PIEZO1: variants seen among roughly 807,000 people sequenced by gnomAD.
PIEZO1 encodes the protein piezo-type mechanosensitive ion channel component 1.
A neutral mutation model predicts 297.2 loss-of-function variants in PIEZO1; 296 were observed. The ratio of observed to expected loss-of-function variants is 1.00; its 90% CI spans 0.91 to 1.10. The LOEUF is 1.10. PIEZO1 is among the 50% of genes least tolerant of loss of function. The probability of loss-of-function intolerance (pLI) is 0.00; values close to 1 mark genes in which losing one functional copy is unlikely to be tolerated. For missense variants in PIEZO1, 5,018 were observed against 3,455.5 expected, an observed-to-expected ratio of 1.45 and a Z score of -11.34; for synonymous variants, 2,427 against 1,507.5, an observed-to-expected ratio of 1.61 and a Z score of -14.13.
intron 1 of PIEZO1, among the ~76,000 whole-genome samples, chr16:88,766,146 G>C (rs891985294): frequency 2.0e-5 from 3 of 152,216 alleles, no homozygotes; most frequent in African/African-American, 7.2e-5. Context: ...ACGCTGCCCA[G>C]TTTAGTCAAA....
intron 1 of PIEZO1, among the ~76,000 whole-genome samples, chr16:88,782,807 C>A (rs1284864492): frequency 1.3e-5 from 2 of 151,912 alleles, no homozygotes; most frequent in Admixed American, 1.3e-4. Context: ...GCTGCCCACA[C>A]CCCAGGGCCA....
rs1389948999 is a variant in PIEZO1, at chr16:88,715,917, C to T, written c.7316+16G>A. The T allele has an allele frequency of 1.1e-5, 17 of 1,546,950 alleles. No individual in the cohort carries two copies. Among genetic ancestry groups the T allele is most frequent in the Non-Finnish European group, 1.4e-5 (16 of 1,144,462 alleles). On this transcript the variant is annotated intron_variant, in intron 50 of 50. Transcript: ENST00000301015. ...GCCCCCCGAGCTGCGGGGTGCCCCC[C>T]CAGCCACTCACTCACCCGTAGCCAG...
At chr16:88,719,228 G>A (rs75516956) in intron 44 of PIEZO1, 25 of 275,604 alleles carry the variant, frequency 9.1e-5, no homozygotes, top group East Asian at 9.0e-4. Context: ...TACTTTTTAC[G>A]TGGGGGAGTG....
Position 88,737,711 on chromosome 16 carries a change from C to A in PIEZO1, c.1107+17G>T. 1 of 1,535,172 alleles carries A rather than the reference C, an allele frequency of 6.5e-7. No homozygotes were observed. Among genetic ancestry groups the A allele is most frequent in the South Asian group, 1.2e-5 (1 of 84,052 alleles). Reference sequence around the variant, plus strand: ...GGCGCCCCCCACGCTGGCGTCTCCACCTGCCTGGCTGCTCACCTGGTCAGA... The same window carrying A: ...GGCGCCCCCCACGCTGGCGTCTCCAACTGCCTGGCTGCTCACCTGGTCAGA... On this transcript the variant is annotated intron_variant, in intron 9 of 50. Coordinates refer to ENST00000301015, the MANE Select transcript of PIEZO1 (RefSeq NM_001142864.4).
intron 1 of PIEZO1, among the ~76,000 whole-genome samples, chr16:88,760,085 C>CCCCCCACGCCTGGCCCAT (rs1227972760): frequency 1.3e-5 from 2 of 150,890 alleles, no homozygotes; most frequent in African/African-American, 4.9e-5. Context: ...GCCTGGCCCA[C>CCCCCCACGCCTGGCCCAT]CCTCCACAAG....
Position 88,749,414 on chromosome 16 carries a change from A to G in PIEZO1, c.130T>C (p.Phe44Leu). ...YLLFLLLLPWFPGPTRCGLQG... is the reference protein window; with the variant it reads ...YLLFLLLLPWLPGPTRCGLQG... ...AGGCCGCATCGGGTGGGGCCGGGGA[A>G]CCAGGGCAGCAGCAGCAGGAAGAGC... is the stretch of plus-strand genomic sequence containing the variant. The change falls in exon 2 of 51, where the codon TTC (phenylalanine) becomes CTC (leucine). Residue 44 changes from phenylalanine (F) to leucine (L), a missense_variant. Transcript: ENST00000301015. The G allele has an allele frequency of 6.6e-7, 1 of 1,521,970 alleles. No homozygotes were observed. Among genetic ancestry groups the G allele is most frequent in the Non-Finnish European group, 8.8e-7 (1 of 1,141,340 alleles). 94.3% of individuals were successfully genotyped at this position (1,521,970 alleles called of 1,614,324 possible). A position where few individuals can be genotyped will look rare whatever the true frequency, so the allele number is the denominator to read the frequency against.
At chr16:88,783,828 C>G (rs889712465) in intron 1 of PIEZO1, among the ~76,000 whole-genome samples, 3 of 152,262 alleles carry the variant, frequency 2.0e-5, no homozygotes, top group African/African-American at 7.2e-5. Context: ...GTCTGGGAGC[C>G]TCAGGCAGGC....
chr16:88,720,725 C>G lies in PIEZO1; in HGVS notation c.5692G>C (p.Glu1898Gln), dbSNP rs879628096. 1.3e-6 allele frequency: 2 copies of G among 1,524,286 alleles called. No homozygotes were observed. Among genetic ancestry groups the G allele is most frequent in the Non-Finnish European group, 1.8e-6 (2 of 1,135,668 alleles). The allele number at this position is 1,524,286 out of a possible 1,614,324, so 94.4% of individuals were successfully genotyped here. Residue 1898 changes from glutamate to glutamine, a missense_variant, in exon 40 of 51, where the codon GAG becomes CAG. Glu to Gln is a conservative substitution (Grantham distance 29, BLOSUM62 2). Transcript: ENST00000301015. ...GGGGCCTCTTTCTCTTCCTCCCCCTCTTCTTCCTCCCTGTCCTCAGCTTCT... is the reference window on the plus strand; with the variant it reads ...GGGGCCTCTTTCTCTTCCTCCCCCTGTTCTTCCTCCCTGTCCTCAGCTTCT... ...AIEAEDREEEEGEEEKEAPTG... is the reference protein window; with the variant it reads ...AIEAEDREEEQGEEEKEAPTG...
chr16:88,769,128 C>A (rs1411265678), intron 1 of PIEZO1, among the ~76,000 whole-genome samples: 2 of 152,212 alleles, frequency 1.3e-5, no homozygotes, highest in Non-Finnish European at 2.9e-5. Flanking sequence ...TTTGCACACG[C>A]ATAATGAGGT....
chr16:88,725,064 C>G lies in PIEZO1; in HGVS notation c.4179G>C (p.Gly1393=). ...PGLEPGPDSP[G]GSSPPRRQWW... is the part of the protein sequence containing the mutation. ...ACTGCCTCCGTGGCGGGGAGGAGCC[C>G]CCTGGACTGTCGGGCCCTGTGGAGG... The change falls in exon 30 of 51, where the codon GGG becomes GGC. Residue 1393 remains glycine (G), a synonymous_variant. Transcript: ENST00000301015. 6.6e-7 allele frequency: 1 copy of G among 1,509,846 alleles called. No individual in the cohort carries two copies. The highest frequency in any genetic ancestry group is 8.8e-7 in the Non-Finnish European group (1 of 1,131,494). The allele number at this position is 1,509,846 out of a possible 1,614,324, so 93.5% of individuals were successfully genotyped here.
rs1037929928 is a variant in PIEZO1 at position 88,726,018 on chromosome 16, C to T, written c.3968+266G>A. ...CCCTCCCGCTGGTGGAGAAACTTAG[C>T]CCTTAGTGGGAAAGTTGGCTGGGGG... On this transcript the variant is annotated intron_variant, in intron 27 of 50. Transcript: ENST00000301015. 10 of 570,070 alleles carry T rather than the reference C, an allele frequency of 1.8e-5. No individual in the cohort carries two copies. In the Admixed American group the frequency reaches 3.2e-4, roughly 19 times the overall value. 35.3% of individuals were successfully genotyped at this position (570,070 alleles called of 1,614,324 possible).
At chr16:88,772,601 A>C (rs1907474344) in intron 1 of PIEZO1, among the ~76,000 whole-genome samples, 1 of 152,162 alleles carries the variant, frequency 6.6e-6, no homozygotes, top group African/African-American at 2.4e-5. Flanking sequence ...CAACATGGTA[A>C]AACCCCGTCT....
chr16:88,720,316 C>A, intron 41 of PIEZO1, 33 bp from the exon 42 acceptor site: 4 of 1,550,074 alleles, frequency 2.6e-6, no homozygotes, highest in Non-Finnish European at 3.5e-6. Flanking sequence ...CAGGGGGAGC[C>A]AAGCCCAGGG....
At position 88,736,160 on chromosome 16, in the gene PIEZO1, G is replaced by C; in HGVS notation, c.1545C>G (p.Asp515Glu). The C allele has an allele frequency of 6.5e-7, 1 of 1,546,666 alleles. No homozygotes were observed. The highest frequency in any genetic ancestry group is 8.7e-7 in the Non-Finnish European group (1 of 1,145,196). The change falls in exon 12 of 51, where the codon GAC (aspartate) becomes GAG (glutamate). Residue 515 changes from aspartate to glutamate, a missense_variant. By Grantham distance (45) the Asp-to-Glu change is conservative. Coordinates refer to ENST00000301015, the MANE Select transcript of PIEZO1 (RefSeq NM_001142864.4). ...GLEHTRYPCL[D>E]LGAMLLYTLT... ...GGTGCACACTCACCATGGCACCAAG[G>C]TCCAGACAGGGGTAGCGGGTGTGCT...
In PIEZO1 at chr16:88,738,084, G is replaced by A. The variant is rs746986792; in HGVS notation, c.870C>T (p.Phe290=). Reference sequence around the variant, plus strand: ...GGCTGGAGCAGTTGGTGGGACCCACGAAGTCCTTGAGACCCAGCACCCTGT... The same window carrying A: ...GGCTGGAGCAGTTGGTGGGACCCACAAAGTCCTTGAGACCCAGCACCCTGT... ...IWARVLGLKD[F]VGPTNCSSPH... is the part of the protein sequence containing the mutation. The change falls in exon 8 of 51, where the codon TTC becomes TTT. Residue 290 remains phenylalanine (F), a synonymous_variant. Coordinates refer to ENST00000301015, the MANE Select transcript of PIEZO1 (RefSeq NM_001142864.4). The A allele has an allele frequency of 3.6e-5, 56 of 1,535,716 alleles. No homozygotes were observed. Among genetic ancestry groups the A allele is most frequent in the Non-Finnish European group, 4.4e-5 (51 of 1,146,872 alleles).
chr16:88,758,392 G>A (rs1213272075), intron 1 of PIEZO1, among the ~76,000 whole-genome samples: 1 of 152,220 alleles, frequency 6.6e-6, no homozygotes, highest in African/African-American at 2.4e-5. Context: ...GGCAACCCTG[G>A]CTTCTGTGAG....
In PIEZO1 at chr16:88,756,752, A is replaced by G. The variant is rs532010831; in HGVS notation, c.65-7273T>C. On this transcript the variant is annotated intron_variant, in intron 1 of 50. Coordinates refer to ENST00000301015, the MANE Select transcript of PIEZO1 (RefSeq NM_001142864.4). ...CACTGCACTCCAGCCTGGGCAATAG[A>G]GCAAGATTCCGTCTCAAAAAACAAT... Among the ~76,000 whole-genome samples the G allele has an allele frequency of 5.9e-5, 9 of 151,476 alleles. No homozygotes were observed. The East Asian group carries it at 9.7e-4, about 16-fold the overall frequency.
chr16:88,751,715 G>A (rs1222401735), intron 1 of PIEZO1, among the ~76,000 whole-genome samples: 2 of 151,472 alleles, frequency 1.3e-5, no homozygotes, highest in Non-Finnish European at 2.9e-5. Context: ...CAAGAGGCAG[G>A]AGGAAAATGC....
At position 88,726,599 on chromosome 16, in the gene PIEZO1, G is replaced by A. The variant is rs1471290166; in HGVS notation, c.3744C>T (p.Cys1248=). 3.9e-6 allele frequency: 6 copies of A among 1,548,270 alleles called. No individual in the cohort carries two copies. Among genetic ancestry groups the A allele is most frequent in the South Asian group, 2.4e-5 (2 of 84,036 alleles). The part of the protein sequence containing the change: ...VFVEQMQTGF[C]WVIQLFSLVC... ...CAAGGCTGAAGAGCTGGATGACCCA[G>A]CAGAAGCCGGTCTGCATCTGCTCCA... Residue 1248 remains cysteine, a synonymous_variant, in exon 26 of 51, where the codon TGC becomes TGT. Coordinates refer to ENST00000301015, the MANE Select transcript of PIEZO1 (RefSeq NM_001142864.4).
Sources: gnomAD v4.1 joint callset for allele counts (sites outside exome capture counted in the v4.1 genomes callset) on GRCh38, gnomAD v4.1.1 for gene constraint, MANE v1.5 for transcripts, NCBI Gene and HGNC (gene_info 2026-07-23, HGNC 2026-07-21) for gene names.